The following SART3 variants were observed in gnomAD, a reference collection of about 807,000 sequenced individuals.
SART3 encodes the protein HIV-1 Tat-interacting protein of 110kDa.
A neutral mutation model predicts 122.3 loss-of-function variants in SART3; 44 were observed. The ratio of observed to expected loss-of-function variants is 0.36; its 90% CI spans 0.28 to 0.46. The LOEUF is 0.46. Among genes scored for constraint, SART3 ranks in the 20% least tolerant of loss-of-function variants. The pLI, the probability that SART3 is intolerant of heterozygous loss-of-function variation, is 1.00. For missense variants in SART3, 1,101 were observed against 1,229.0 expected (o/e 0.90, Z 1.56); for synonymous variants, 442 against 454.0 (o/e 0.97, Z 0.34).
rs748227400 is a variant in SART3 at position 108,544,409 on chromosome 12, C to T, written c.781+18G>A. ...AAAACCATAGAGGGCTGGCTGTTGA[C>T]ATGTCAGTTTCTCTTACCATAGAGT... On this transcript the variant is annotated intron_variant, in intron 5 of 18. Coordinates refer to ENST00000546815, the MANE Select transcript of SART3 (RefSeq NM_014706.4). The T allele has an allele frequency of 6.2e-7, 1 of 1,604,470 alleles. No individual in the cohort carries two copies. The highest frequency in any genetic ancestry group is 1.1e-5 in the South Asian group (1 of 90,902).
At chr12:108,528,989 G>A (rs112530832) in intron 15 of SART3, among the ~76,000 whole-genome samples, 5,761 of 152,214 alleles carry the variant, frequency 0.038, 372 homozygotes, top group African/African-American at 0.13. Flanking sequence ...CAGGTATGAT[G>A]GTGCATGCCT....
intron 1 of SART3, among the ~76,000 whole-genome samples, chr12:108,552,463 G>A (rs1294644064): frequency 1.1e-5 from 1 of 88,440 alleles, no homozygotes; most frequent in Non-Finnish European, 2.5e-5. Context: ...ACAATCTTAA[G>A]GAACCAATTA....
intron 12 of SART3, among the ~76,000 whole-genome samples, chr12:108,534,175 G>C (rs1872799573): frequency 6.6e-6 from 1 of 152,060 alleles, no homozygotes; most frequent in African/African-American, 2.4e-5. Context: ...TAGATAATTT[G>C]TTATATTTAA....
intron 15 of SART3, 109 bp downstream of exon 15, chr12:108,530,033 A>G (rs1473153984): frequency 2.2e-5 from 27 of 1,220,944 alleles, no homozygotes; most frequent in East Asian, 2.3e-5. Context: ...ATCAAAGGGT[A>G]ATGGGTATCA....
At chr12:108,543,233 G>A in intron 5 of SART3, 81 bp from the exon 6 acceptor site, 1 of 1,537,514 alleles carries the variant, frequency 6.5e-7, no homozygotes, top group South Asian at 1.2e-5. Flanking sequence ...ATGAGACTCA[G>A]GTGCCACTAG....
At chr12:108,532,672 C>T in intron 12 of SART3, 1 of 320,780 alleles carries the variant, frequency 3.1e-6, no homozygotes, top group South Asian at 2.7e-5. Flanking sequence ...TGATACAGTC[C>T]CCAGGGAAAT....
intron 1 of SART3, among the ~76,000 whole-genome samples, chr12:108,559,664 CAAAAAAAAAAA>C (rs35159668): frequency 3.8e-5 from 3 of 79,760 alleles, no homozygotes; most frequent in African/African-American, 9.6e-5. Context: ...GACTCTGTCT[CAAAAAAAAAAA>C]AAAAAAAAAA....
At chr12:108,543,253 C>T (rs1873249074) in intron 5 of SART3, 101 bp from the exon 6 acceptor site, 1 of 1,354,198 alleles carries the variant, frequency 7.4e-7, no homozygotes, top group Non-Finnish European at 1.0e-6. Flanking sequence ...GCCCCTCCCA[C>T]ATCTGTGGCA....
chr12:108,558,410 C>T (rs1291908753), intron 1 of SART3, among the ~76,000 whole-genome samples: 2 of 152,188 alleles, frequency 1.3e-5, no homozygotes, highest in Non-Finnish European at 2.9e-5. Flanking sequence ...TCATCACTTG[C>T]CAGGTCCTAT....
At position 108,532,329 on chromosome 12, in the gene SART3, T is replaced by C. The variant is rs144381891; in HGVS notation, c.1562A>G (p.His521Arg). ...CTTCCGGCAGTGCTGGGTGTCACCA[T>C]GAGCTCTAAGGCAGAAAACAAAAAG... ...WLEYYNLERAHGDTQHCRKAL... is the reference protein window; with the variant it reads ...WLEYYNLERARGDTQHCRKAL... The change falls in exon 13 of 19, where the codon CAT becomes CGT. Residue 521 changes from histidine to arginine, a missense_variant. Transcript: ENST00000546815. 13 of 1,613,890 alleles carry C rather than the reference T, an allele frequency of 8.1e-6. No individual in the cohort carries two copies. Among genetic ancestry groups the C allele is most frequent in the African/African-American group, 1.3e-5 (1 of 75,064 alleles).
intron 1 of SART3, among the ~76,000 whole-genome samples, chr12:108,553,669 A>G (rs1480137424): frequency 6.6e-6 from 1 of 152,250 alleles, no homozygotes; most frequent in East Asian, 1.9e-4. Context: ...AAGACAGCCA[A>G]TGAATATGAT....
chr12:108,560,525 A>G, intron 1 of SART3: 1 of 409,414 alleles, frequency 2.4e-6, no homozygotes, highest in Non-Finnish European at 4.3e-6. Context: ...GAATGGGATC[A>G]AAGTACAAGG....
At chr12:108,541,714 A>G (rs1873171279) in intron 6 of SART3, among the ~76,000 whole-genome samples, 1 of 151,764 alleles carries the variant, frequency 6.6e-6, no homozygotes, top group African/African-American at 2.4e-5. Flanking sequence ...AATTTTTTGT[A>G]TTTTTAGTAG....
chr12:108,538,838 A>C, intron 7 of SART3, 96 bp downstream of exon 7: 1 of 1,447,814 alleles, frequency 6.9e-7, no homozygotes, highest in Non-Finnish European at 9.6e-7. Flanking sequence ...GAAAAGCAAG[A>C]GTAGGGCCGT....
chr12:108,536,476 T>C, intron 11 of SART3, 38 bp downstream of exon 11: 1 of 1,596,630 alleles, frequency 6.3e-7, no homozygotes, highest in South Asian at 1.1e-5. Flanking sequence ...TATTAAACAA[T>C]GATGGATGAA....
chr12:108,544,800 A>G, intron 4 of SART3: 1 of 571,698 alleles, frequency 1.7e-6, no homozygotes, highest in Non-Finnish European at 3.1e-6. Flanking sequence ...CCTGAACTCA[A>G]GTGATCCTCT....
Position 108,530,156 on chromosome 12 carries a change from C to T in SART3, c.1901G>A (p.Gly634Asp). Residue 634 changes from glycine (G) to aspartate (D), a missense_variant, in exon 15 of 19, where the codon GGC becomes GAC. This residue lies in a region of SART3 where 885 missense variants were observed against 1,080.1 expected (regional missense o/e 0.82). Transcript: ENST00000546815. ...GAGCTCCTTACCTTCTTCATCATCG[C>T]CCCACTCTTTCTCATCATCCTCATC... ...GADEDDEKEW[G>D]DDEEEQPSKR... is the part of the protein sequence containing the mutation. 1 of 1,614,102 alleles carries T rather than the reference C, an allele frequency of 6.2e-7. No individual in the cohort carries two copies. Among genetic ancestry groups the T allele is most frequent in the Non-Finnish European group, 8.5e-7 (1 of 1,180,012 alleles).
At chr12:108,560,014 C>T (rs1177616493) in intron 1 of SART3, among the ~76,000 whole-genome samples, 1 of 152,212 alleles carries the variant, frequency 6.6e-6, no homozygotes, top group African/African-American at 2.4e-5. Flanking sequence ...ACACCAGGTT[C>T]TGGAGTTACC....
At chr12:108,540,083 A>C (rs1298587498) in intron 6 of SART3, among the ~76,000 whole-genome samples, 1 of 152,232 alleles carries the variant, frequency 6.6e-6, no homozygotes, top group Non-Finnish European at 1.5e-5. Flanking sequence ...AAGCCCAAAA[A>C]ACTTCAAGCC....
Sources: gnomAD v4.1 joint callset for allele counts (sites outside exome capture counted in the v4.1 genomes callset) on GRCh38, gnomAD v4.1.1 for gene constraint, gnomAD v4.1.1 regional missense constraint, MANE v1.5 for transcripts, NCBI Gene and HGNC (gene_info 2026-07-23, HGNC 2026-07-21) for gene names.